The following RPS6KA2 variants were observed in gnomAD, a reference collection of about 807,000 sequenced individuals.
The protein encoded by RPS6KA2 is ribosomal protein S6 kinase A2.
In RPS6KA2, 42 loss-of-function variants were observed where a neutral mutation model predicts 91.8. That is an observed-to-expected ratio of 0.46 (90% confidence interval 0.36 to 0.59). The LOEUF (loss-of-function observed/expected upper bound fraction) is 0.59. Ranked by LOEUF, RPS6KA2 falls within the 20% of genes least tolerant of loss-of-function variation. The pLI is 0.00. For synonymous variants in RPS6KA2, 414 were observed against 393.6 expected (o/e 1.05, Z -0.61); for missense variants, 798 against 978.5 (o/e 0.82, Z 2.46).
At chr6:166,748,055 G>A (rs552294022) in intron 2 of RPS6KA2, among the ~76,000 whole-genome samples, 10 of 152,296 alleles carry the variant, frequency 6.6e-5, no homozygotes, top group East Asian at 3.9e-4. Context: ...CATTTGTCCC[G>A]AGGGCAAATG....
Position 166,648,739 on chromosome 6 carries a change from G to A in RPS6KA2, c.124-109955C>T, listed in dbSNP as rs770548773. Reference sequence around the variant, plus strand: ...CGATCTGTATTACAGTGATTACTCCGGCGTCTGCATCTCGTCCTGAGGTCC... The same window carrying A: ...CGATCTGTATTACAGTGATTACTCCAGCGTCTGCATCTCGTCCTGAGGTCC... On this transcript the variant is annotated intron_variant, in intron 2 of 21. Transcript: ENST00000503859. This position sits in a 1 kb window ranked among gnomAD's most constrained non-coding sequence, Gnocchi z 4.8. Among the ~76,000 whole-genome samples the A allele has an allele frequency of 1.3e-5, 2 of 152,054 alleles. No individual in the cohort carries two copies. Among genetic ancestry groups the A allele is most frequent in the Non-Finnish European group, 2.9e-5 (2 of 68,026 alleles).
At chr6:166,649,144 CAG>C (rs1176276526) in intron 2 of RPS6KA2, among the ~76,000 whole-genome samples, 2 of 152,202 alleles carry the variant, frequency 1.3e-5, no homozygotes, top group East Asian at 3.9e-4. Flanking sequence ...TCGCACCACT[CAG>C]AGTCTGCTCC....
At chr6:166,473,941 T>G (rs944783134) in intron 10 of RPS6KA2, among the ~76,000 whole-genome samples, 1 of 79,500 alleles carries the variant, frequency 1.3e-5, no homozygotes, top group Non-Finnish European at 2.0e-5. Flanking sequence ...TGTTTAAAGG[T>G]TTTTTTTTTT....
chr6:166,697,218 TA>T (rs5881713), intron 2 of RPS6KA2, among the ~76,000 whole-genome samples: 43,144 of 151,746 alleles, frequency 0.28, 7,810 homozygotes, highest in African/African-American at 0.53. Flanking sequence ...AAGGTAAAGT[TA>T]AAAAAAAGAC....
rs1778341659 is a variant in RPS6KA2, at chr6:166,412,520, G to A, written c.*242C>T. 1.3e-5 allele frequency: 5 copies of A among 383,872 alleles called. No homozygotes were observed. The East Asian group carries it at 1.7e-4, about 13-fold the overall frequency. 23.8% of individuals were successfully genotyped at this position (383,872 alleles called of 1,614,324 possible). ...TCGCACGGGCACGCGAGGTGAAGGGGCGCATTTGGTTTCGCTTGGGAGAAA... is the reference window on the plus strand; with the variant it reads ...TCGCACGGGCACGCGAGGTGAAGGGACGCATTTGGTTTCGCTTGGGAGAAA... On this transcript the variant is annotated 3_prime_UTR_variant, in exon 21 of 21. Transcript: ENST00000265678. This position sits in a 1 kb window ranked among gnomAD's most constrained non-coding sequence, Gnocchi z 4.3.
At chr6:166,697,682 C>A (rs1789395961) in intron 2 of RPS6KA2, among the ~76,000 whole-genome samples, 1 of 152,190 alleles carries the variant, frequency 6.6e-6, no homozygotes, top group African/African-American at 2.4e-5. Flanking sequence ...CAGCTGTGGG[C>A]CGGATCCCAG....
At chr6:166,716,924 A>G (rs1206120678) in intron 2 of RPS6KA2, among the ~76,000 whole-genome samples, 1 of 152,244 alleles carries the variant, frequency 6.6e-6, no homozygotes, top group Non-Finnish European at 1.5e-5. Flanking sequence ...TGCGACATGC[A>G]TGCAAAGCAT....
intron 1 of RPS6KA2, among the ~76,000 whole-genome samples, chr6:166,619,537 A>G (rs1786547672): frequency 6.6e-6 from 1 of 152,234 alleles, no homozygotes; most frequent in Non-Finnish European, 1.5e-5. Flanking sequence ...CAGAGAGCCC[A>G]GGGCCCCAGG....
intron 1 of RPS6KA2, among the ~76,000 whole-genome samples, chr6:166,552,919 T>C (rs1784064139): frequency 2.0e-5 from 3 of 152,260 alleles, no homozygotes; most frequent in African/African-American, 7.2e-5. Context: ...GCCACAGGTG[T>C]GCAATGGCTC....
At chr6:166,505,750 G>A (rs1022496009) in intron 5 of RPS6KA2, among the ~76,000 whole-genome samples, 1 of 152,160 alleles carries the variant, frequency 6.6e-6, no homozygotes, top group African/African-American at 2.4e-5. Flanking sequence ...CCACCCACCG[G>A]CCCCCCGAGT....
At chr6:166,628,391 G>GT (rs1786974281), upstream of RPS6KA2, among the ~76,000 whole-genome samples, 1 of 152,256 alleles carries the variant, frequency 6.6e-6, no homozygotes. Context: ...GCAGAAACGA[G>GT]TGCGGTGGTG....
chr6:166,498,451 A>C (rs938016798), intron 8 of RPS6KA2, 57 bp downstream of exon 8: 24 of 1,542,850 alleles, frequency 1.6e-5, no homozygotes, highest in Middle Eastern at 2.2e-4. Context: ...ACCTGGGGAC[A>C]GGGGTCCACG....
At chr6:166,688,382 G>A (rs1179369884) in intron 2 of RPS6KA2, among the ~76,000 whole-genome samples, 1 of 152,174 alleles carries the variant, frequency 6.6e-6, no homozygotes, top group African/African-American at 2.4e-5. Context: ...CACCTGCCCG[G>A]CCCCCTCTGC....
chr6:166,702,794 AGGG>A, intron 2 of RPS6KA2: 1 of 1,091,368 alleles, frequency 9.2e-7, no homozygotes, highest in Non-Finnish European at 1.4e-6. Context: ...TCTAGGTCCA[AGGG>A]GGCGGCGTTC....
Position 166,505,319 on chromosome 6 carries a change from G to A in RPS6KA2, c.460-707C>T, listed in dbSNP as rs956864293. Among the ~76,000 whole-genome samples, 3 of 152,140 alleles carry A rather than the reference G, an allele frequency of 2.0e-5. No individual in the cohort carries two copies. In the South Asian group the frequency reaches 6.2e-4, roughly 32 times the overall value. The stretch of plus-strand genomic sequence containing the variant: ...ATGGCCTAAGTGTCCATGTCCCGGG[G>A]GCTCACTCAGGCCAGCCGAAACATG... On this transcript the variant is annotated intron_variant, in intron 5 of 20. Coordinates refer to ENST00000265678, the MANE Select transcript of RPS6KA2 (RefSeq NM_021135.6).
At chr6:166,765,498 A>T (rs1233919948) in intron 2 of RPS6KA2, among the ~76,000 whole-genome samples, 1 of 152,232 alleles carries the variant, frequency 6.6e-6, no homozygotes, top group Non-Finnish European at 1.5e-5. Context: ...GTGTGCTCCA[A>T]GACATAGAGG....
chr6:166,443,305 T>C (rs565661210), intron 14 of RPS6KA2, among the ~76,000 whole-genome samples: 11 of 152,346 alleles, frequency 7.2e-5, no homozygotes, highest in African/African-American at 2.6e-4. Flanking sequence ...CTGGGGTACG[T>C]ATCATGCAAT....
rs762336366 is a variant in RPS6KA2 at position 166,423,405 on chromosome 6, C to A, written c.1594G>T (p.Asp532Tyr). ...TACAGGATGTTACTCGGCTTCAGGT[C>A]TCGATGAACAACCTGCAAGACAGAA... ...YLHSQGVVHRDLKPSNILYRD... is the reference protein window; with the variant it reads ...YLHSQGVVHRYLKPSNILYRD... The change falls in exon 17 of 21, where the codon GAC becomes TAC. Residue 532 changes from aspartate to tyrosine, a missense_variant. Asp to Tyr is a radical substitution (Grantham distance 160, BLOSUM62 -3). Transcript: ENST00000265678. The surrounding 1 kb of genome is among the most constrained non-coding windows in gnomAD (Gnocchi z 4.8). The A allele has an allele frequency of 1.2e-6, 2 of 1,609,126 alleles. No individual in the cohort carries two copies. The highest frequency in any genetic ancestry group is 1.7e-6 in the Non-Finnish European group (2 of 1,175,956).
intron 2 of RPS6KA2, among the ~76,000 whole-genome samples, chr6:166,787,311 C>G (rs571892574): frequency 6.6e-6 from 1 of 151,876 alleles, no homozygotes; most frequent in African/African-American, 2.4e-5. Flanking sequence ...AAAACTCTAG[C>G]TGCTTTTAAA....
Sources: gnomAD v4.1 joint callset for allele counts (sites outside exome capture counted in the v4.1 genomes callset) on GRCh38, gnomAD v4.1.1 for gene constraint, Gnocchi (gnomAD v3.1) non-coding constraint, MANE v1.5 for transcripts, NCBI Gene and HGNC (gene_info 2026-07-23, HGNC 2026-07-21) for gene names.